The following BMAL2 variants were observed in gnomAD, a reference collection of about 807,000 sequenced individuals.
The protein encoded by BMAL2 is basic helix-loop-helix ARNT-like protein 2.
chr12:27,339,811 A>C, the BMAL2 span, among the ~76,000 whole-genome samples: 1 of 152,078 alleles, frequency 6.6e-6, no homozygotes, highest in African/African-American at 2.4e-5. Context: ...ATGAGGTGGT[A>C]ATCTGATTGT....
chr12:27,371,567 A>T, the BMAL2 span, among the ~76,000 whole-genome samples: 1,179 of 152,316 alleles, frequency 7.7e-3, 14 homozygotes, highest in African/African-American at 0.027. Context: ...GTCATGAAAG[A>T]TCTGCTGAAC....
the BMAL2 span, among the ~76,000 whole-genome samples, chr12:27,396,967 C>T: frequency 1.3e-5 from 2 of 152,160 alleles, no homozygotes; most frequent in Non-Finnish European, 2.9e-5. Flanking sequence ...GAGTGTCTGT[C>T]AAGTGAAATT....
the BMAL2 span, among the ~76,000 whole-genome samples, chr12:27,360,566 TAAAG>T: frequency 1.3e-5 from 2 of 151,928 alleles, no homozygotes. Flanking sequence ...TAATTAAAAA[TAAAG>T]CAACAACATT....
chr12:27,373,959 ACTAT>A, the BMAL2 span, among the ~76,000 whole-genome samples: 1 of 152,212 alleles, frequency 6.6e-6, no homozygotes, highest in Non-Finnish European at 1.5e-5. Context: ...AAATTTACTA[ACTAT>A]CTAGATTTGT....
chr12:27,386,882 C>T, the BMAL2 span, among the ~76,000 whole-genome samples: 8 of 152,122 alleles, frequency 5.3e-5, no homozygotes, highest in African/African-American at 1.4e-4. Flanking sequence ...CCACCTGCCT[C>T]GGCCTCCCAA....
At chr12:27,362,832 A>G in the BMAL2 span, among the ~76,000 whole-genome samples, 8 of 151,936 alleles carry the variant, frequency 5.3e-5, no homozygotes, top group African/African-American at 1.9e-4. Context: ...TTTGTTTTAG[A>G]AGACAGGGTC....
the BMAL2 span, chr12:27,390,512 C>T: frequency 9.5e-6 from 3 of 316,056 alleles, 1 homozygote; most frequent in South Asian, 1.3e-4. Context: ...AAAAAAATGA[C>T]AAGAGATGGA....
the BMAL2 span, chr12:27,401,486 A>T: frequency 1.0e-5 from 16 of 1,549,710 alleles, no homozygotes; most frequent in African/African-American, 2.2e-4. Context: ...TTTTATAGTC[A>T]TTGACTATTA....
At chr12:27,414,335 A>T in the BMAL2 span, among the ~76,000 whole-genome samples, 2 of 152,190 alleles carry the variant, frequency 1.3e-5, no homozygotes, top group African/African-American at 2.4e-5. Context: ...ACTCCATCTG[A>T]TGGCAGCAGA....
the BMAL2 span, among the ~76,000 whole-genome samples, chr12:27,351,759 G>A: frequency 2.6e-5 from 4 of 152,140 alleles, no homozygotes; most frequent in Admixed American, 1.3e-4. Flanking sequence ...CTGACCCAGC[G>A]CTTCCCCTGT....
the BMAL2 span, among the ~76,000 whole-genome samples, chr12:27,393,953 CT>C: frequency 1.3e-5 from 2 of 152,146 alleles, no homozygotes; most frequent in Non-Finnish European, 2.9e-5. Flanking sequence ...GTGCTATTCA[CT>C]TTGTAACAAT....
At chr12:27,400,827 T>C in the BMAL2 span, 5 of 1,483,696 alleles carry the variant, frequency 3.4e-6, no homozygotes, top group Middle Eastern at 2.1e-4. Flanking sequence ...TTTGAAGCTA[T>C]TAAAGGCGTG....
the BMAL2 span, among the ~76,000 whole-genome samples, chr12:27,365,026 T>C: frequency 2.6e-5 from 4 of 152,104 alleles, no homozygotes; most frequent in East Asian, 7.7e-4. Context: ...GATTTATATG[T>C]TGATTATTTT....
At chr12:27,424,814 T>C in the BMAL2 span, 1 of 152,210 alleles carries the variant, frequency 6.6e-6, no homozygotes, top group African/African-American at 2.4e-5. Context: ...AGGTGCCACT[T>C]TTCTGTTTTT....
At chr12:27,390,576 G>A in the BMAL2 span, 4 of 212,528 alleles carry the variant, frequency 1.9e-5, no homozygotes, top group Non-Finnish European at 2.8e-5. Context: ...ATAAAGGTTA[G>A]ATGTTAAAAA....
At chr12:27,333,301 G>C in the BMAL2 span, among the ~76,000 whole-genome samples, 1 of 151,926 alleles carries the variant, frequency 6.6e-6, no homozygotes, top group Non-Finnish European at 1.5e-5. Flanking sequence ...CGCGGCGCCC[G>C]GCGCGTCCTC....
At chr12:27,425,072 C>T in the BMAL2 span, 1 of 152,182 alleles carries the variant, frequency 6.6e-6, no homozygotes, top group Non-Finnish European at 1.5e-5. Context: ...GCTTTCTGAA[C>T]TCACTTGAGA....
chr12:27,404,867 A>G, the BMAL2 span, among the ~76,000 whole-genome samples: 1 of 152,176 alleles, frequency 6.6e-6, no homozygotes, highest in Admixed American at 6.5e-5. Context: ...GGGGTGACAG[A>G]TGGGCACCTG....
chr12:27,401,735 T>C, the BMAL2 span: 1 of 1,252,580 alleles, frequency 8.0e-7, no homozygotes, highest in Non-Finnish European at 1.1e-6. Context: ...TTTGCTTTTC[T>C]CCTCTCATCT....
Sources: gnomAD v4.1 joint callset for allele counts (sites outside exome capture counted in the v4.1 genomes callset) on GRCh38, gnomAD v4.1.1 for gene constraint, MANE v1.5 for transcripts, NCBI Gene and HGNC (gene_info 2026-07-23, HGNC 2026-07-21) for gene names.